The following LRRC4C variants were observed in gnomAD, a reference collection of about 807,000 sequenced individuals.
LRRC4C encodes leucine rich repeat containing 4C, also known as leucine-rich repeat-containing protein 4C.
LRRC4C carries 5 observed loss-of-function variants against 33.6 expected under a neutral mutation model. That is an observed-to-expected ratio of 0.15 (90% CI 0.08 to 0.31). The LOEUF (loss-of-function observed/expected upper bound fraction) is 0.31, where lower values mean the gene tolerates loss of function less well. Among genes scored for constraint, LRRC4C ranks in the 10% least tolerant of loss-of-function variants. LRRC4C has a pLI of 1.00. For missense variants in LRRC4C, 560 were observed against 796.7 expected, an observed-to-expected ratio of 0.70 and a Z score of 3.58; for synonymous variants, 329 against 302.0, an observed-to-expected ratio of 1.09 and a Z score of -0.93.
chr11:40,636,452 T>C (rs11604865), intron 3 of LRRC4C, among the ~76,000 whole-genome samples: 23,265 of 152,078 alleles, frequency 0.15, 1,845 homozygotes, highest in Non-Finnish European at 0.18. Context: ...ACATTGGTAA[T>C]GGTATCTCAG....
At position 40,197,196 on chromosome 11, in the gene LRRC4C, G is replaced by A. The variant is rs187060542; in HGVS notation, c.-96+44323C>T. Among the ~76,000 whole-genome samples the A allele has an allele frequency of 1.1e-3, 167 of 152,194 alleles. 1 individual carries two copies. Among genetic ancestry groups the A allele is most frequent in the African/African-American group, 3.9e-3 (162 of 41,518 alleles). ...CGTTGTGTATGCTGAAGCTTCCTGT[G>A]CTAATAATTCTCTCAAGTATAACAC... On this transcript the variant is annotated intron_variant, in intron 5 of 6. Transcript: ENST00000528697.
At chr11:41,055,103 C>G (rs974651562) in intron 1 of LRRC4C, among the ~76,000 whole-genome samples, 2 of 152,092 alleles carry the variant, frequency 1.3e-5, no homozygotes, top group East Asian at 3.9e-4. Context: ...ATTTCTCTAG[C>G]CTCCCTTTTC....
At chr11:40,648,914 C>T (rs900446828) in intron 2 of LRRC4C, among the ~76,000 whole-genome samples, 6 of 152,078 alleles carry the variant, frequency 3.9e-5, no homozygotes, top group East Asian at 1.9e-4. Context: ...TCGGTAGCAC[C>T]GTGATGCCCA....
rs1204727596 is a variant in LRRC4C, at chr11:40,115,860, C to A, written c.433G>T (p.Val145Leu). 3 of 1,614,022 alleles carry A rather than the reference C, an allele frequency of 1.9e-6. No homozygotes were observed. Among genetic ancestry groups the A allele is most frequent in the Non-Finnish European group, 2.5e-6 (3 of 1,180,030 alleles). ...AGCTCCTTCAGTTTAGACAAGTATA[C>A]AAAAGCTCCATTCGGGATGGTAGTA... ...RLTTIPNGAF[V>L]YLSKLKELWL... is the part of the protein sequence containing the mutation. The change falls in exon 7 of 7, where the codon GTA becomes TTA. Residue 145 changes from valine to leucine, a missense_variant. Physicochemically the swap from Val to Leu is conservative, Grantham distance 32 (BLOSUM62 1). Around this residue, in one of 3 missense-constraint regions of LRRC4C, gnomAD observed 455 missense variants for 643.8 expected, o/e 0.71. Transcript: ENST00000528697. The surrounding 1 kb of genome is among the most constrained non-coding windows in gnomAD (Gnocchi z 6.7).
intron 2 of LRRC4C, among the ~76,000 whole-genome samples, chr11:40,857,739 T>C (rs1241018009): frequency 6.6e-6 from 1 of 151,792 alleles, no homozygotes; most frequent in African/African-American, 2.4e-5. Flanking sequence ...GCATGGCAAA[T>C]CCCTGTCTTT....
At chr11:40,959,060 A>G (rs1169652249) in intron 1 of LRRC4C, among the ~76,000 whole-genome samples, 1 of 151,678 alleles carries the variant, frequency 6.6e-6, no homozygotes, top group East Asian at 1.9e-4. Context: ...GCTTTATATT[A>G]GAATCACTAA....
At chr11:40,512,641 T>C (rs953209204) in intron 3 of LRRC4C, among the ~76,000 whole-genome samples, 4 of 152,182 alleles carry the variant, frequency 2.6e-5, no homozygotes, top group African/African-American at 4.8e-5. Flanking sequence ...CCTCTCCATA[T>C]GGATCATTGA....
At chr11:41,165,352 A>C (rs977909429) in intron 1 of LRRC4C, among the ~76,000 whole-genome samples, 4 of 152,196 alleles carry the variant, frequency 2.6e-5, no homozygotes, top group Admixed American at 6.5e-5. Context: ...GATGGTCATG[A>C]TTCAGGGATG....
At chr11:40,406,904 GA>G (rs1949983613) in intron 3 of LRRC4C, among the ~76,000 whole-genome samples, 1 of 152,054 alleles carries the variant, frequency 6.6e-6, no homozygotes, top group African/African-American at 2.4e-5. Flanking sequence ...GTAAGATGAA[GA>G]AAATCACTAT....
intron 3 of LRRC4C, among the ~76,000 whole-genome samples, chr11:40,568,980 T>G (rs1957870642): frequency 6.6e-6 from 1 of 152,210 alleles, no homozygotes; most frequent in East Asian, 1.9e-4. Context: ...ACAGCTAACC[T>G]GTACTCTTCC....
chr11:40,923,122 CCTGTCAT>C (rs1957259948), intron 2 of LRRC4C, among the ~76,000 whole-genome samples: 2 of 152,080 alleles, frequency 1.3e-5, no homozygotes, highest in African/African-American at 4.8e-5. Flanking sequence ...ACTGCACCAG[CCTGTCAT>C]ACATCTTTCT....
At chr11:40,243,110 A>C (rs2136108883) in intron 4 of LRRC4C, among the ~76,000 whole-genome samples, 1 of 152,334 alleles carries the variant, frequency 6.6e-6, no homozygotes, top group Non-Finnish European at 1.5e-5. Context: ...AATTCATTTG[A>C]ATGTGGCTTC....
intron 3 of LRRC4C, among the ~76,000 whole-genome samples, chr11:40,550,009 T>C (rs1463666680): frequency 1.3e-5 from 2 of 152,138 alleles, no homozygotes; most frequent in Non-Finnish European, 2.9e-5. Context: ...GGAATGGCCA[T>C]GTTTTATATC....
At chr11:41,389,639 C>CAAAAAAAAAAAAAGAA (rs555595842) in intron 1 of LRRC4C, among the ~76,000 whole-genome samples, 1 of 80,958 alleles carries the variant, frequency 1.2e-5, no homozygotes, top group Non-Finnish European at 2.2e-5. Context: ...CAGTGAGCAG[C>CAAAAAAAAAAAAAGAA]AAAAAAAAAA....
At chr11:40,802,319 G>A (rs1310607918) in intron 2 of LRRC4C, among the ~76,000 whole-genome samples, 1 of 152,062 alleles carries the variant, frequency 6.6e-6, no homozygotes, top group East Asian at 1.9e-4. Context: ...CTGCTACACA[G>A]TGGGTATTTA....
At chr11:41,364,801 C>T (rs1318629149) in intron 1 of LRRC4C, among the ~76,000 whole-genome samples, 2 of 151,872 alleles carry the variant, frequency 1.3e-5, no homozygotes, top group Non-Finnish European at 2.9e-5. Context: ...TCAGTTTTTC[C>T]CACCTAGACA....
At position 40,443,390 on chromosome 11, in the gene LRRC4C, C is replaced by T. The variant is rs1344550319; in HGVS notation, c.-269-123669G>A. 2.0e-5 allele frequency among the ~76,000 whole-genome samples: 3 copies of T among 152,260 alleles called. No homozygotes were observed. In the East Asian group the frequency reaches 5.8e-4, roughly 29 times the overall value. On this transcript the variant is annotated intron_variant, in intron 3 of 6. Coordinates refer to ENST00000528697, the MANE Select transcript of LRRC4C (RefSeq NM_001258419.2). Reference sequence around the variant, plus strand: ...ACTATTCCGGGTAAGAAGTTTTGGACTTTTGAATTACCAAATTCCTATACC... The same window carrying T: ...ACTATTCCGGGTAAGAAGTTTTGGATTTTTGAATTACCAAATTCCTATACC...
At chr11:40,119,342 A>G (rs1855660286) in intron 6 of LRRC4C, among the ~76,000 whole-genome samples, 1 of 152,158 alleles carries the variant, frequency 6.6e-6, no homozygotes, top group African/African-American at 2.4e-5. Flanking sequence ...ATACTTGACT[A>G]ATAGATTCTG....
chr11:40,501,542 A>G (rs1450688399), intron 3 of LRRC4C, among the ~76,000 whole-genome samples: 4 of 152,204 alleles, frequency 2.6e-5, no homozygotes, highest in Non-Finnish European at 5.9e-5. Flanking sequence ...GCTCAACACC[A>G]CATGAAAGCT....
Sources: allele counts gnomAD v4.1 joint callset (sites outside exome capture counted in the v4.1 genomes callset), GRCh38; gene constraint gnomAD v4.1.1; regional missense constraint gnomAD v4.1.1; non-coding constraint Gnocchi (gnomAD v3.1); transcripts MANE v1.5; gene names NCBI Gene and HGNC (gene_info 2026-07-23, HGNC 2026-07-21).